The following NUP210L variants were observed in gnomAD, a reference collection of about 807,000 sequenced individuals.
NUP210L encodes nucleoporin 210 like.
NUP210L carries 74 observed loss-of-function variants against 208.5 expected under a neutral mutation model. That is an observed-to-expected ratio of 0.35 (90% CI 0.29 to 0.43). The LOEUF (loss-of-function observed/expected upper bound fraction) is 0.43. Among genes scored for constraint, NUP210L ranks in the 20% least tolerant of loss-of-function variants. The pLI is 1.00. For missense variants in NUP210L, 1,843 were observed against 2,289.4 expected (o/e 0.81, Z 3.98); for synonymous variants, 780 against 816.9 (o/e 0.95, Z 0.77).
chr1:154,134,596 G>A (rs542767024), intron 7 of NUP210L, among the ~76,000 whole-genome samples: 266 of 150,972 alleles, frequency 1.8e-3, no homozygotes, highest in Middle Eastern at 6.8e-3. Flanking sequence ...AATTAGCTGG[G>A]CGAGGTGACG....
At chr1:154,093,821 A>G (rs756010408) in intron 15 of NUP210L, among the ~76,000 whole-genome samples, 4 of 152,136 alleles carry the variant, frequency 2.6e-5, no homozygotes, top group Non-Finnish European at 4.4e-5. Context: ...ACAGCTGTGA[A>G]TGAAAACTAT....
intron 27 of NUP210L, among the ~76,000 whole-genome samples, chr1:154,038,764 T>G (rs997969108): frequency 1.3e-5 from 2 of 152,154 alleles, no homozygotes; most frequent in African/African-American, 4.8e-5. Flanking sequence ...CCTGGCTTGT[T>G]GTAGGTTTTT....
rs2147997105 is a variant in NUP210L at position 154,060,595 on chromosome 1, C to T, written c.2795G>A (p.Ser932Asn). 1.9e-6 allele frequency: 3 copies of T among 1,613,716 alleles called. No individual in the cohort carries two copies. In the East Asian group the frequency reaches 6.7e-5, roughly 36 times the overall value. The change falls in exon 20 of 40, where the codon AGC (serine) becomes AAC (asparagine). Residue 932 changes from serine to asparagine, a missense_variant. Physicochemically the swap from Ser to Asn is conservative, Grantham distance 46. This residue lies in a region of NUP210L where 408 missense variants were observed against 600.8 expected (regional missense o/e 0.68). Transcript: ENST00000368559. ...GATGGTGACAACACCCTGCTCACTGCTGTTGACTAAAAAATAACCAGATCC... is the reference window on the plus strand; with the variant it reads ...GATGGTGACAACACCCTGCTCACTGTTGTTGACTAAAAAATAACCAGATCC...
In NUP210L at chr1:154,056,978, A is replaced by C. The variant is rs745417008; in HGVS notation, c.3108-31T>G. The C allele has an allele frequency of 1.6e-5, 26 of 1,599,932 alleles. 1 individual carries two copies. The South Asian group carries it at 2.8e-4, about 17-fold the overall frequency. On this transcript the variant is annotated intron_variant, in intron 22 of 39. Transcript: ENST00000368559. ...AAAACCCATGTATTTTCAGGTGAGA[A>C]AGATTTTTGTTTTGTTTCAAGACAG...
At chr1:154,077,394 A>G (rs995280285) in intron 16 of NUP210L, among the ~76,000 whole-genome samples, 1 of 151,854 alleles carries the variant, frequency 6.6e-6, no homozygotes, top group African/African-American at 2.4e-5. Flanking sequence ...AAAATAAAAT[A>G]AAATAAAATA....
Position 154,027,618 on chromosome 1 carries a change from C to A in NUP210L, c.3856-21G>T, listed in dbSNP as rs751735106. 9.0e-6 allele frequency: 14 copies of A among 1,561,554 alleles called. No individual in the cohort carries two copies. The South Asian group carries it at 1.6e-4, about 18-fold the overall frequency. On this transcript the variant is annotated intron_variant, in intron 28 of 39. Transcript: ENST00000368559. ...AACACCTATAATGAGAAAATGTTTT[C>A]CTCATTTTTGGCAAAGACAAATTAT...
intron 37 of NUP210L, among the ~76,000 whole-genome samples, chr1:153,996,911 C>T (rs1374884796): frequency 7.2e-6 from 1 of 139,670 alleles, no homozygotes; most frequent in African/African-American, 2.7e-5. Context: ...GCAGTCATGG[C>T]TTACTGCAGC....
chr1:154,020,189 A>G (rs1339450827), intron 32 of NUP210L, among the ~76,000 whole-genome samples: 1 of 152,214 alleles, frequency 6.6e-6, no homozygotes, highest in African/African-American at 2.4e-5. Flanking sequence ...ACATCACTTT[A>G]CCTAAACATA....
chr1:154,023,403 A>G (rs2147930408), intron 30 of NUP210L, 106 bp from the exon 31 acceptor site: 3 of 883,230 alleles, frequency 3.4e-6, no homozygotes, highest in East Asian at 5.3e-5. Flanking sequence ...TTTCTTTTCC[A>G]TAGGAAATAG....
intron 38 of NUP210L, 105 bp downstream of exon 38, chr1:153,994,971 C>T: frequency 3.0e-6 from 2 of 660,916 alleles, no homozygotes; most frequent in Non-Finnish European, 5.0e-6. Context: ...AAGATTGCGC[C>T]ACTGCACTCC....
intron 22 of NUP210L, among the ~76,000 whole-genome samples, chr1:154,057,736 G>GTGTA (rs1428733858): frequency 1.4e-5 from 2 of 145,290 alleles, no homozygotes; most frequent in Non-Finnish European, 3.0e-5. Context: ...GTGTGTGTGT[G>GTGTA]TATTTTAAGA....
intron 27 of NUP210L, among the ~76,000 whole-genome samples, chr1:154,043,410 G>T (rs1425481939): frequency 1.3e-5 from 2 of 151,804 alleles, no homozygotes; most frequent in East Asian, 3.9e-4. Flanking sequence ...CACCTCCCGG[G>T]TTCAAGCGAT....
chr1:154,043,871 C>T (rs540780308), intron 27 of NUP210L, among the ~76,000 whole-genome samples: 7 of 151,852 alleles, frequency 4.6e-5, no homozygotes, highest in Admixed American at 2.0e-4. Flanking sequence ...AAGTCTGCCT[C>T]GGCCTCCCAA....
At chr1:154,033,717 C>T (rs1442866448) in intron 27 of NUP210L, among the ~76,000 whole-genome samples, 5 of 152,094 alleles carry the variant, frequency 3.3e-5, no homozygotes, top group African/African-American at 1.2e-4. Flanking sequence ...CTGAGGACGG[C>T]TTTGACTATT....
intron 2 of NUP210L, among the ~76,000 whole-genome samples, chr1:154,146,844 A>C (rs1659142683): frequency 6.6e-6 from 1 of 152,028 alleles, no homozygotes; most frequent in Non-Finnish European, 1.5e-5. Context: ...CTTTTTTAAA[A>C]ACAGGGTCTC....
Position 153,992,954 on chromosome 1 carries a change from G to A in NUP210L, c.5567-19C>T. ...AAAAAACCTAGAAGAAGAGGGAAAA[G>A]TTGAGTGAATTAAACGTGTGTATCT... is the stretch of plus-strand genomic sequence containing the variant. On this transcript the variant is annotated intron_variant, in intron 39 of 39. Transcript: ENST00000368559. The A allele has an allele frequency of 6.2e-7, 1 of 1,608,602 alleles. No individual in the cohort carries two copies. The highest frequency in any genetic ancestry group is 2.2e-5 in the East Asian group (1 of 44,826).
chr1:154,118,147 T>C, intron 11 of NUP210L, among the ~76,000 whole-genome samples: 1 of 151,826 alleles, frequency 6.6e-6, no homozygotes, highest in East Asian at 1.9e-4. Flanking sequence ...CTGTCTCTAC[T>C]AAAAATACAA....
Position 154,009,758 on chromosome 1 carries a change from C to T in NUP210L, c.4930+214G>A, listed in dbSNP as rs140405998. ...AGTGAGCTATGATCACACCATTTCACTCCAGCCTTAGGCAACACAGCAAGA... is the reference window on the plus strand; with the variant it reads ...AGTGAGCTATGATCACACCATTTCATTCCAGCCTTAGGCAACACAGCAAGA... On this transcript the variant is annotated intron_variant, in intron 35 of 39. Coordinates refer to ENST00000368559, the Ensembl canonical transcript of NUP210L. 5.0e-3 allele frequency among the ~76,000 whole-genome samples: 731 copies of T among 147,332 alleles called. 5 individuals are homozygous for T. The highest frequency in any genetic ancestry group is 0.016 in the African/African-American group (657 of 39,894).
At chr1:154,033,021 A>G (rs1190064929) in intron 27 of NUP210L, among the ~76,000 whole-genome samples, 1 of 151,856 alleles carries the variant, frequency 6.6e-6, no homozygotes, top group African/African-American at 2.4e-5. Flanking sequence ...AAGAAAGAAA[A>G]AGAAGGAAGG....
Sources: gnomAD v4.1 joint callset for allele counts (sites outside exome capture counted in the v4.1 genomes callset) on GRCh38, gnomAD v4.1.1 for gene constraint, gnomAD v4.1.1 regional missense constraint, MANE v1.5 for transcripts, NCBI Gene and HGNC (gene_info 2026-07-23, HGNC 2026-07-21) for gene names.